NR5A2: variants seen among roughly 807,000 people sequenced by gnomAD.
NR5A2 encodes the protein CYP7A promoter-binding factor.
In NR5A2, 26 loss-of-function variants were observed where a neutral mutation model predicts 62.7. The ratio of observed to expected loss-of-function variants is 0.41; its 90% CI spans 0.30 to 0.58. The LOEUF is 0.58. Ranked by LOEUF, NR5A2 falls within the 20% of genes least tolerant of loss-of-function variation. The pLI is 0.22. For synonymous variants in NR5A2, 246 were observed against 241.7 expected (o/e 1.02, Z -0.16); for missense variants, 541 against 669.1 (o/e 0.81, Z 2.11).
rs756542971 is a variant in NR5A2 at position 200,048,736 on chromosome 1, G to C, written c.1028G>C (p.Gly343Ala). 1 of 1,614,142 alleles carries C rather than the reference G, an allele frequency of 6.2e-7. No individual in the cohort carries two copies. The highest frequency in any genetic ancestry group is 2.2e-5 in the East Asian group (1 of 44,882). ...RSKHEKLSTF[G>A]LMCKMADQTL... ...AAGCACGAAAAGCTGAGCACCTTTG[G>C]GCTTATGTGCAAAATGGCAGATCAA... Residue 343 changes from glycine to alanine, a missense_variant, in exon 5 of 8, where the codon GGG becomes GCG. This residue lies in a region of NR5A2 where 379 missense variants were observed against 442.0 expected (regional missense o/e 0.86). Coordinates refer to ENST00000367362, the MANE Select transcript of NR5A2 (RefSeq NM_205860.3). The surrounding 1 kb of genome is among the most constrained non-coding windows in gnomAD (Gnocchi z 4.8).
intron 5 of NR5A2, among the ~76,000 whole-genome samples, chr1:200,096,349 A>T (rs1320813782): frequency 6.6e-6 from 1 of 152,074 alleles, no homozygotes; most frequent in African/African-American, 2.4e-5. Context: ...CAGCCTCCCA[A>T]AGTGCTGAGA....
At chr1:200,129,848 T>C (rs1666884775) in intron 7 of NR5A2, among the ~76,000 whole-genome samples, 1 of 152,198 alleles carries the variant, frequency 6.6e-6, no homozygotes, top group South Asian at 2.1e-4. Flanking sequence ...TGACCTGGGC[T>C]GTGCTCAGGA....
At chr1:200,143,062 G>T (rs976431807) in intron 7 of NR5A2, among the ~76,000 whole-genome samples, 1 of 151,360 alleles carries the variant, frequency 6.6e-6, no homozygotes, top group Admixed American at 6.6e-5. Context: ...TGTGTGTGTG[G>T]TTTTTCACAT....
At chr1:200,080,001 G>C (rs1664223731) in intron 5 of NR5A2, among the ~76,000 whole-genome samples, 1 of 152,180 alleles carries the variant, frequency 6.6e-6, no homozygotes, top group Admixed American at 6.5e-5. Flanking sequence ...CTATCAAATA[G>C]CTTTTGACTT....
chr1:200,124,300 CA>C (rs1423191231), intron 7 of NR5A2, among the ~76,000 whole-genome samples: 1 of 152,148 alleles, frequency 6.6e-6, no homozygotes, highest in Non-Finnish European at 1.5e-5. Flanking sequence ...GTCCCAATAG[CA>C]GTCATCACTT....
At chr1:200,138,408 T>C (rs994007715) in intron 7 of NR5A2, among the ~76,000 whole-genome samples, 3 of 152,218 alleles carry the variant, frequency 2.0e-5, no homozygotes, top group African/African-American at 7.2e-5. Flanking sequence ...TTGAACATCT[T>C]TCTGTTTCTT....
intron 1 of NR5A2, chr1:200,029,359 C>T (rs1423957991): frequency 6.0e-6 from 1 of 166,768 alleles, no homozygotes; most frequent in Non-Finnish European, 1.3e-5. Context: ...CACAGTCTCC[C>T]CCACACCCCA....
chr1:200,105,757 G>A (rs1665621575), intron 5 of NR5A2, among the ~76,000 whole-genome samples: 1 of 152,010 alleles, frequency 6.6e-6, no homozygotes, highest in Non-Finnish European at 1.5e-5. Context: ...TTCAAAACCA[G>A]TCTGGGCAAC....
At chr1:200,125,213 CT>C (rs1666650802) in intron 7 of NR5A2, among the ~76,000 whole-genome samples, 1 of 152,182 alleles carries the variant, frequency 6.6e-6, no homozygotes, top group Non-Finnish European at 1.5e-5. Context: ...AAATGCATTT[CT>C]GTTCCAAGCA....
At chr1:200,127,709 A>AATAT (rs71132667) in intron 7 of NR5A2, among the ~76,000 whole-genome samples, 728 of 23,112 alleles carry the variant, frequency 0.031, 43 homozygotes, top group African/African-American at 0.055. Flanking sequence ...AAAAAAAAAA[A>AATAT]ATATATATAT....
intron 5 of NR5A2, among the ~76,000 whole-genome samples, chr1:200,097,214 T>C (rs1453804475): frequency 1.3e-5 from 2 of 152,250 alleles, no homozygotes; most frequent in African/African-American, 4.8e-5. Context: ...AATTGGGTAT[T>C]ATTTCTTTTT....
In NR5A2 at chr1:200,050,686, T is replaced by G. The variant is rs1273431856; in HGVS notation, c.1110+1868T>G. 3.3e-5 allele frequency among the ~76,000 whole-genome samples: 5 copies of G among 151,768 alleles called. No individual in the cohort carries two copies. In the East Asian group the frequency reaches 9.7e-4, roughly 29 times the overall value. On this transcript the variant is annotated intron_variant, in intron 5 of 7. Transcript: ENST00000367362. ...CGGGCGGATCACCTGAGGTCAGGAG[T>G]ACGAGACCAGCCTGACCAATATGGA...
At chr1:200,099,568 G>A (rs1045409267) in intron 5 of NR5A2, among the ~76,000 whole-genome samples, 6 of 151,992 alleles carry the variant, frequency 3.9e-5, no homozygotes, top group African/African-American at 1.2e-4. Context: ...CCAGATGATG[G>A]GTCTGCTGCA....
chr1:200,034,783 C>CTTTTTTTTTTTTTTTTTTT (rs767393832), intron 1 of NR5A2, among the ~76,000 whole-genome samples: 6 of 71,286 alleles, frequency 8.4e-5, no homozygotes, highest in African/African-American at 3.2e-4. Context: ...AGCAGAAAGG[C>CTTTTTTTTTTTTTTTTTTT]TTTTTTTTTT....
intron 7 of NR5A2, among the ~76,000 whole-genome samples, chr1:200,142,346 C>G (rs1168472402): frequency 1.3e-5 from 2 of 151,298 alleles, no homozygotes; most frequent in Non-Finnish European, 2.9e-5. Flanking sequence ...ATTACAGGTG[C>G]CTGCCACCAC....
chr1:200,032,094 T>G (rs1163533085), intron 1 of NR5A2, among the ~76,000 whole-genome samples: 2 of 152,148 alleles, frequency 1.3e-5, no homozygotes, highest in African/African-American at 4.8e-5. Context: ...AGGGATGCAC[T>G]AGGCAGGCAA....
chr1:200,170,916 A>G (rs147689263), intron 7 of NR5A2, among the ~76,000 whole-genome samples: 1 of 152,362 alleles, frequency 6.6e-6, no homozygotes, highest in African/African-American at 2.4e-5. Context: ...TTGTGAAATA[A>G]TTTAACAGGT....
At chr1:200,077,650 G>A (rs1191600019) in intron 5 of NR5A2, among the ~76,000 whole-genome samples, 1 of 152,180 alleles carries the variant, frequency 6.6e-6, no homozygotes, top group East Asian at 1.9e-4. Context: ...GGAGGCGGAG[G>A]TTGCAGTGAG....
At chr1:200,127,726 ATATATG>A (rs1666788341) in intron 7 of NR5A2, among the ~76,000 whole-genome samples, 1 of 116,044 alleles carries the variant, frequency 8.6e-6, no homozygotes, top group South Asian at 3.0e-4. Context: ...ATATATATAT[ATATATG>A]GTATCCATCA....
Sources: allele counts gnomAD v4.1 joint callset (sites outside exome capture counted in the v4.1 genomes callset), GRCh38; gene constraint gnomAD v4.1.1; regional missense constraint gnomAD v4.1.1; non-coding constraint Gnocchi (gnomAD v3.1); transcripts MANE v1.5; gene names NCBI Gene and HGNC (gene_info 2026-07-23, HGNC 2026-07-21).